MCF2: variants seen among roughly 807,000 people sequenced by gnomAD.
MCF2 encodes the protein MCF.2 cell line derived transforming sequence, also known as proto-oncogene DBL.
Under a neutral mutation model 82.5 loss-of-function variants are expected in MCF2, and 44 were observed. The ratio of observed to expected loss-of-function variants is 0.53; its 90% CI spans 0.42 to 0.69. MCF2 has a LOEUF of 0.69. MCF2 is among the 30% of genes least tolerant of loss of function. The probability of loss-of-function intolerance (pLI) is 0.00; values close to 1 mark genes in which losing one functional copy is unlikely to be tolerated. For missense variants in MCF2, 623 were observed against 663.1 expected, an observed-to-expected ratio of 0.94 and a Z score of 0.66; for synonymous variants, 217 against 224.9, an observed-to-expected ratio of 0.96 and a Z score of 0.32.
chrX:139,642,271 CCCT>C (rs1933611084), intron 1 of MCF2, among the ~76,000 whole-genome samples: 1 of 111,861 alleles, frequency 8.9e-6, no homozygotes, highest in Admixed American at 9.5e-5. Context: ...ATATTCTACC[CCCT>C]CAATTGCCTG....
At chrX:139,635,899 G>A (rs766198888) in intron 1 of MCF2, among the ~76,000 whole-genome samples, 16 of 108,967 alleles carry the variant, frequency 1.5e-4, no homozygotes, top group Non-Finnish European at 3.8e-5. Flanking sequence ...AAGTAGACCC[G>A]TGTCTGTTGT....
intron 2 of MCF2, among the ~76,000 whole-genome samples, chrX:139,648,121 C>A (rs891974603): frequency 1.8e-5 from 2 of 111,585 alleles, no homozygotes; most frequent in African/African-American, 6.5e-5. Flanking sequence ...CCTGTAACCC[C>A]AGCACTTTGG....
intron 1 of MCF2, among the ~76,000 whole-genome samples, chrX:139,652,762 G>A (rs1235529271): frequency 9.0e-6 from 1 of 110,779 alleles, no homozygotes; most frequent in Non-Finnish European, 1.9e-5. Flanking sequence ...CTGACACAAA[G>A]TGCCTTCAAA....
Position 139,601,522 on chromosome X carries a change from T to C in MCF2, c.1836+884A>G, listed in dbSNP as rs191349929. Among the ~76,000 whole-genome samples the C allele has an allele frequency of 1.3e-4, 14 of 111,461 alleles. No homozygotes were observed. In the East Asian group the frequency reaches 3.7e-3, roughly 29 times the overall value. On this transcript the variant is annotated intron_variant, in intron 16 of 24. Transcript: ENST00000370576. ...CCAAACTAGCAATGAAGTCTTAGGG[T>C]AGAATAAAGATATTTGCAGACACAT...
At chrX:139,622,857 T>C (rs1285128125) in intron 6 of MCF2, among the ~76,000 whole-genome samples, 1 of 109,934 alleles carries the variant, frequency 9.1e-6, no homozygotes, top group Non-Finnish European at 1.9e-5. Flanking sequence ...ATTGTACTCA[T>C]GTACCCTAAA....
intron 4 of MCF2, among the ~76,000 whole-genome samples, chrX:139,628,640 C>T (rs113949842): frequency 0.02 from 2,245 of 111,648 alleles, 58 homozygotes; most frequent in African/African-American, 0.068. Context: ...TGGAAAAAAA[C>T]TCAGTTTATC....
At chrX:139,604,516 C>G (rs746332498) in intron 15 of MCF2, among the ~76,000 whole-genome samples, 165 bp downstream of exon 19, 1 of 110,662 alleles carries the variant, frequency 9.0e-6, no homozygotes, top group African/African-American at 3.3e-5. Flanking sequence ...GCATCCATTT[C>G]TGCAGCAAAA....
At chrX:139,588,097 G>C (rs1929145490) in intron 21 of MCF2, among the ~76,000 whole-genome samples, 1 of 111,349 alleles carries the variant, frequency 9.0e-6, no homozygotes, top group African/African-American at 3.3e-5. Context: ...GAAAGGACTG[G>C]GGATTACCAC....
exon 25 of MCF2, chrX:139,582,130 CTTAA>C (rs773808979): frequency 3.7e-5 from 10 of 271,473 alleles, no homozygotes; most frequent in African/African-American, 2.3e-4. Flanking sequence ...GTAATTTTGA[CTTAA>C]TTCATTAATA....
At chrX:139,646,695 T>A (rs780993820), upstream of MCF2, 8 of 406,781 alleles carry the variant, frequency 2.0e-5, no homozygotes, top group Non-Finnish European at 2.9e-5. Context: ...TTCACCATGA[T>A]AATAATAGCT....
Position 139,633,625 on chromosome X carries a change from G to A in MCF2, c.52-1171C>T, listed in dbSNP as rs181408323. Among the ~76,000 whole-genome samples, 40 of 111,048 alleles carry A rather than the reference G, an allele frequency of 3.6e-4. 1 individual carries two copies. Among genetic ancestry groups the A allele is most frequent in the Non-Finnish European group, 5.8e-4 (31 of 53,037 alleles). On this transcript the variant is annotated intron_variant, in intron 1 of 24. Coordinates refer to ENST00000370576, the Ensembl canonical transcript of MCF2. Reference sequence around the variant, plus strand: ...CAATGGGAGATGGTGTTGGGAAAACGGGCCAGAACCACATCAGAAAGGATC... The same window carrying A: ...CAATGGGAGATGGTGTTGGGAAAACAGGCCAGAACCACATCAGAAAGGATC...
chrX:139,600,650 G>A, intron 16 of MCF2, among the ~76,000 whole-genome samples: 1 of 111,802 alleles, frequency 8.9e-6, no homozygotes, highest in Non-Finnish European at 1.9e-5. Flanking sequence ...TAATAGAAAT[G>A]CTCTAAAGAT....
chrX:139,670,333 T>C (rs1271448103), intron 1 of MCF2, among the ~76,000 whole-genome samples: 1 of 111,609 alleles, frequency 9.0e-6, no homozygotes, highest in Non-Finnish European at 1.9e-5. Context: ...TTTATTATAC[T>C]TTAAGTTCTA....
intron 1 of MCF2, among the ~76,000 whole-genome samples, chrX:139,654,364 T>C (rs1934128849): frequency 8.9e-6 from 1 of 111,834 alleles, no homozygotes; most frequent in African/African-American, 3.3e-5. Context: ...GTCATTGTAG[T>C]TTTGATTTCC....
chrX:139,614,086 C>A (rs73575864), intron 10 of MCF2, among the ~76,000 whole-genome samples: 5,279 of 110,366 alleles, frequency 0.048, 196 homozygotes, highest in African/African-American at 0.11. Context: ...TTCACCCATT[C>A]CACTTACTTA....
At chrX:139,607,878 C>A (rs1274269437) in intron 11 of MCF2, 99 bp from the exon 16 acceptor site, 18 of 495,554 alleles carry the variant, frequency 3.6e-5, no homozygotes, top group African/African-American at 2.2e-4. Flanking sequence ...GGTCCTAACT[C>A]TGAAGATAAA....
chrX:139,607,988 G>C (rs1000510436), intron 11 of MCF2, among the ~76,000 whole-genome samples: 24 of 111,034 alleles, frequency 2.2e-4, no homozygotes, highest in African/African-American at 7.6e-4. Context: ...ATACTAATTA[G>C]AACTTATTTT....
At chrX:139,615,220 G>A (rs1931810607) in intron 9 of MCF2, among the ~76,000 whole-genome samples, 168 bp from the exon 13 acceptor site, 1 of 111,421 alleles carries the variant, frequency 9.0e-6, no homozygotes, top group Non-Finnish European at 1.9e-5. Flanking sequence ...TGTTCACATG[G>A]ATATAAAACC....
intron 1 of MCF2, among the ~76,000 whole-genome samples, chrX:139,662,235 C>A (rs1934374978): frequency 9.0e-6 from 1 of 111,274 alleles, no homozygotes; most frequent in African/African-American, 3.3e-5. Flanking sequence ...AAAGCCAATC[C>A]ATGTTCATAT....
Sources: allele counts gnomAD v4.1 joint callset (sites outside exome capture counted in the v4.1 genomes callset), GRCh38; gene constraint gnomAD v4.1.1; transcripts MANE v1.5; gene names NCBI Gene and HGNC (gene_info 2026-07-23, HGNC 2026-07-21).